The following MDGA2 variants were observed in gnomAD, a reference collection of about 807,000 sequenced individuals.
The protein encoded by MDGA2 is MAM domain-containing glycosylphosphatidylinositol anchor protein 2.
In MDGA2, 40 loss-of-function variants were observed where a neutral mutation model predicts 117.8. The observed-to-expected ratio is 0.34, with a 90% CI of 0.26 to 0.44. The LOEUF is 0.44. MDGA2 is among the 20% of genes least tolerant of loss of function. The probability of loss-of-function intolerance (pLI) is 1.00; values close to 1 mark genes in which losing one functional copy is unlikely to be tolerated. For missense variants in MDGA2, 1,123 were observed against 1,250.6 expected (o/e 0.90, Z 1.54); for synonymous variants, 452 against 439.0 (o/e 1.03, Z -0.37).
At chr14:46,998,235 C>T (rs1023713502) in intron 8 of MDGA2, among the ~76,000 whole-genome samples, 13 of 152,020 alleles carry the variant, frequency 8.6e-5, no homozygotes, top group South Asian at 6.2e-4. Flanking sequence ...CTTGATCCCA[C>T]GAGTTTGAGA....
intron 1 of MDGA2, among the ~76,000 whole-genome samples, chr14:47,442,809 A>C (rs1893040479): frequency 6.6e-6 from 1 of 152,098 alleles, no homozygotes; most frequent in Admixed American, 6.6e-5. Context: ...GAAAATATTA[A>C]AAGGAAACTT....
intron 6 of MDGA2, among the ~76,000 whole-genome samples, chr14:47,068,116 A>G (rs919170579): frequency 6.6e-6 from 1 of 152,114 alleles, no homozygotes; most frequent in African/African-American, 2.4e-5. Flanking sequence ...TCAAGGCTCT[A>G]TTTATTTTGT....
At chr14:47,616,073 C>A (rs1277524920) in intron 1 of MDGA2, among the ~76,000 whole-genome samples, 3 of 152,120 alleles carry the variant, frequency 2.0e-5, no homozygotes, top group Admixed American at 6.6e-5. Context: ...AGATCAGGAC[C>A]ACAAAATCTC....
intron 10 of MDGA2, among the ~76,000 whole-genome samples, chr14:46,914,085 GTAT>G (rs1213305614): frequency 1.3e-5 from 2 of 152,038 alleles, no homozygotes; most frequent in African/African-American, 4.8e-5. Flanking sequence ...ATAAAATTGT[GTAT>G]TATTTAAAAC....
chr14:47,596,196 C>T (rs1257441463), intron 1 of MDGA2, among the ~76,000 whole-genome samples: 1 of 152,088 alleles, frequency 6.6e-6, no homozygotes, highest in Non-Finnish European at 1.5e-5. Context: ...TTATTGCATG[C>T]TAATTATATC....
intron 3 of MDGA2, among the ~76,000 whole-genome samples, chr14:47,211,944 T>C (rs1001910712): frequency 6.6e-6 from 1 of 152,212 alleles, no homozygotes; most frequent in African/African-American, 2.4e-5. Flanking sequence ...TTTGTCTTCT[T>C]AAGTAGTTTA....
At chr14:46,886,098 A>G (rs759279180) in intron 10 of MDGA2, among the ~76,000 whole-genome samples, 30 of 152,150 alleles carry the variant, frequency 2.0e-4, no homozygotes, top group Non-Finnish European at 4.0e-4. Context: ...GCAATCCATG[A>G]AAAATTGTCT....
intron 1 of MDGA2, among the ~76,000 whole-genome samples, chr14:47,390,504 C>T (rs894569142): frequency 3.3e-5 from 5 of 152,112 alleles, no homozygotes; most frequent in Non-Finnish European, 7.3e-5. Flanking sequence ...GCATGGTCAC[C>T]CCAATTACCA....
chr14:47,618,921 G>A (rs1283838763), intron 1 of MDGA2, among the ~76,000 whole-genome samples: 5 of 151,634 alleles, frequency 3.3e-5, no homozygotes, highest in Admixed American at 6.6e-5. Flanking sequence ...ACACTGGAGG[G>A]AATAAAAAAG....
chr14:47,528,717 T>C (rs1594901024), intron 1 of MDGA2, among the ~76,000 whole-genome samples: 1 of 152,298 alleles, frequency 6.6e-6, no homozygotes, highest in Non-Finnish European at 1.5e-5. Context: ...TTGGGGTGCA[T>C]TAGTTTTTTT....
intron 3 of MDGA2, among the ~76,000 whole-genome samples, chr14:47,187,954 A>C (rs1884971927): frequency 6.6e-6 from 1 of 151,804 alleles, no homozygotes; most frequent in Admixed American, 6.6e-5. Flanking sequence ...ATTGCTCTAC[A>C]TTTTTTATGT....
chr14:46,855,078 T>G lies in MDGA2; in HGVS notation c.2829A>C (p.Lys943Asn). Residue 943 changes from lysine to asparagine, a missense_variant, in exon 15 of 17, where the codon AAA becomes AAC. Physicochemically the swap from Lys to Asn is moderately conservative, Grantham distance 94 (BLOSUM62 0). Around this residue, in one of 2 missense-constraint regions of MDGA2, gnomAD observed 890 missense variants for 1,050.3 expected, o/e 0.85. Transcript: ENST00000399232. This position sits in a 1 kb window ranked among gnomAD's most constrained non-coding sequence, Gnocchi z 4.1. ...CATGAGCCTCATTCCATCTTTGTCC[T>G]TTATTCCCACTTGAAGACCACAGTG... Reference protein sequence around the residue: ...ENPLWSSSGNKGQRWNEAHVN... With the variant: ...ENPLWSSSGNNGQRWNEAHVN... 1 of 1,612,066 alleles carries G rather than the reference T, an allele frequency of 6.2e-7. No individual in the cohort carries two copies. Among genetic ancestry groups the G allele is most frequent in the Non-Finnish European group, 8.5e-7 (1 of 1,178,850 alleles).
chr14:46,893,107 CATGA>C (rs1445105445), intron 10 of MDGA2, among the ~76,000 whole-genome samples: 1 of 151,794 alleles, frequency 6.6e-6, no homozygotes, highest in Non-Finnish European at 1.5e-5. Flanking sequence ...CCTAAATGTC[CATGA>C]ATGAATGAAT....
chr14:47,620,543 G>A (rs1897030552), intron 1 of MDGA2, among the ~76,000 whole-genome samples: 1 of 152,204 alleles, frequency 6.6e-6, no homozygotes, highest in Admixed American at 6.5e-5. Flanking sequence ...ATACTGATGA[G>A]AGGGCAGGAT....
At chr14:47,513,547 A>C (rs1894688485) in intron 1 of MDGA2, among the ~76,000 whole-genome samples, 1 of 152,022 alleles carries the variant, frequency 6.6e-6, no homozygotes, top group South Asian at 2.1e-4. Flanking sequence ...TTCTACCCAC[A>C]TAGAAAAATA....
At chr14:47,284,197 C>T (rs1272731432) in intron 2 of MDGA2, among the ~76,000 whole-genome samples, 1 of 152,120 alleles carries the variant, frequency 6.6e-6, no homozygotes, top group Non-Finnish European at 1.5e-5. Flanking sequence ...AGACTATCCT[C>T]AGAGAGGGCA....
chr14:47,478,011 A>G (rs1893878933), intron 1 of MDGA2, among the ~76,000 whole-genome samples: 1 of 152,198 alleles, frequency 6.6e-6, no homozygotes, highest in Admixed American at 6.5e-5. Flanking sequence ...TGCTGCTTTT[A>G]AGGTACTTAA....
At chr14:47,416,869 C>A (rs934900523) in intron 1 of MDGA2, among the ~76,000 whole-genome samples, 1 of 152,116 alleles carries the variant, frequency 6.6e-6, no homozygotes, top group Admixed American at 6.6e-5. Context: ...CTGCTCCCAC[C>A]CTCCCCATGC....
At chr14:47,559,581 T>C (rs12434099) in intron 1 of MDGA2, among the ~76,000 whole-genome samples, 35,833 of 147,982 alleles carry the variant, frequency 0.24, 4,948 homozygotes, top group South Asian at 0.5. Flanking sequence ...CTTTTCTTTT[T>C]TTTTTTTTTT....
Sources: gnomAD v4.1 joint callset for allele counts (sites outside exome capture counted in the v4.1 genomes callset) on GRCh38, gnomAD v4.1.1 for gene constraint, gnomAD v4.1.1 regional missense constraint, Gnocchi (gnomAD v3.1) non-coding constraint, MANE v1.5 for transcripts, NCBI Gene and HGNC (gene_info 2026-07-23, HGNC 2026-07-21) for gene names.